Variants in HDAC9 observed in about 807,000 individuals in gnomAD.
HDAC9 encodes the protein histone deacetylase 9, also known as MEF-2 interacting transcription repressor (MITR) protein.
In HDAC9, 41 loss-of-function variants were observed where a neutral mutation model predicts 139.4. The ratio of observed to expected loss-of-function variants is 0.29; its 90% CI spans 0.23 to 0.38. The LOEUF is 0.38. Ranked by LOEUF, HDAC9 falls within the 10% of genes least tolerant of loss-of-function variation. The probability of loss-of-function intolerance (pLI) is 1.00; values close to 1 mark genes in which losing one functional copy is unlikely to be tolerated. For missense variants in HDAC9, 1,147 were observed against 1,297.0 expected, an observed-to-expected ratio of 0.88 and a Z score of 1.78; for synonymous variants, 517 against 476.2, an observed-to-expected ratio of 1.09 and a Z score of -1.12.
At chr7:18,716,338 G>A (rs946039730) in intron 12 of HDAC9, among the ~76,000 whole-genome samples, 2 of 152,038 alleles carry the variant, frequency 1.3e-5, no homozygotes, top group Admixed American at 6.5e-5. Flanking sequence ...AGCAAATGAA[G>A]GAAGAAAAAT....
At position 18,139,696 on chromosome 7, in the gene HDAC9, G is replaced by T. The variant is rs78069347; in HGVS notation, c.-96-22533G>T. Among the ~76,000 whole-genome samples, 661 of 152,184 alleles carry T rather than the reference G, an allele frequency of 4.3e-3. 4 individuals are homozygous for T. The highest frequency in any genetic ancestry group is 0.015 in the African/African-American group (625 of 41,520). On this transcript the variant is annotated intron_variant, in intron 1 of 12. Coordinates refer to the HDAC9 transcript ENST00000417496. ...GGCCAAAAAGGATTTTGCAAATATG[G>T]TTAAGGCAGGGAGATTACTCTGATT...
At chr7:18,478,131 G>T (rs1460877272) in intron 1 of HDAC9, among the ~76,000 whole-genome samples, 4 of 152,096 alleles carry the variant, frequency 2.6e-5, no homozygotes, top group African/African-American at 9.6e-5. Flanking sequence ...GAGTGCAGTG[G>T]CAGGATCTGG....
chr7:18,295,567 A>G (rs1362557859), intron 1 of HDAC9, among the ~76,000 whole-genome samples: 1 of 152,162 alleles, frequency 6.6e-6, no homozygotes, highest in Non-Finnish European at 1.5e-5. Context: ...TTCTATCTTT[A>G]CATAACTGTA....
intron 2 of HDAC9, among the ~76,000 whole-genome samples, chr7:18,557,476 G>T (rs1322871526): frequency 2.7e-5 from 4 of 148,704 alleles, no homozygotes; most frequent in African/African-American, 7.4e-5. Context: ...TATGTTATCT[G>T]TTTCATCTAT....
intron 1 of HDAC9, among the ~76,000 whole-genome samples, chr7:18,439,199 A>G (rs1201959780): frequency 6.6e-6 from 1 of 152,150 alleles, no homozygotes; most frequent in Non-Finnish European, 1.5e-5. Flanking sequence ...CACATGTAGG[A>G]GTTTTCAGTC....
At chr7:18,922,209 C>T (rs1803817209) in intron 22 of HDAC9, among the ~76,000 whole-genome samples, 1 of 151,702 alleles carries the variant, frequency 6.6e-6, no homozygotes, top group South Asian at 2.1e-4. Flanking sequence ...GCACATGTAC[C>T]CTACAACTTA....
chr7:18,455,281 A>T (rs973487306), intron 1 of HDAC9, among the ~76,000 whole-genome samples: 2 of 149,314 alleles, frequency 1.3e-5, no homozygotes, highest in East Asian at 3.9e-4. Context: ...AATAGCTTTT[A>T]AAAAAAAAGT....
chr7:18,426,026 A>G (rs531965621), intron 1 of HDAC9, among the ~76,000 whole-genome samples: 1 of 152,362 alleles, frequency 6.6e-6, no homozygotes, highest in East Asian at 1.9e-4. Context: ...TAGACTCTTC[A>G]TAACATTAGC....
At chr7:18,751,903 T>G (rs1788481175) in intron 14 of HDAC9, among the ~76,000 whole-genome samples, 1 of 152,036 alleles carries the variant, frequency 6.6e-6, no homozygotes, top group South Asian at 2.1e-4. Flanking sequence ...CAAACCAGGT[T>G]AGCCCCCTCA....
intron 11 of HDAC9, among the ~76,000 whole-genome samples, chr7:18,658,778 T>C (rs1474780785): frequency 6.6e-6 from 1 of 151,954 alleles, no homozygotes; most frequent in Admixed American, 6.6e-5. Flanking sequence ...CCATACCTAA[T>C]CTATTTGTGA....
chr7:18,499,272 G>T (rs1215367646), intron 2 of HDAC9, among the ~76,000 whole-genome samples: 1 of 151,840 alleles, frequency 6.6e-6, no homozygotes, highest in Non-Finnish European at 1.5e-5. Context: ...TAGTTATATT[G>T]GATATTATGC....
chr7:18,984,857 C>G (rs531572857), intron 25 of HDAC9, among the ~76,000 whole-genome samples: 85 of 152,066 alleles, frequency 5.6e-4, no homozygotes, highest in African/African-American at 2.0e-3. Context: ...ATGTCAATTC[C>G]CCACAAAAAC....
intron 25 of HDAC9, among the ~76,000 whole-genome samples, chr7:18,987,871 T>C (rs1202353242): frequency 6.6e-6 from 1 of 152,222 alleles, no homozygotes; most frequent in Non-Finnish European, 1.5e-5. Flanking sequence ...GTTTGTAGTA[T>C]TCTCTGATGG....
At chr7:18,482,003 C>A (rs923243267) in intron 1 of HDAC9, among the ~76,000 whole-genome samples, 1 of 152,144 alleles carries the variant, frequency 6.6e-6, no homozygotes, top group Non-Finnish European at 1.5e-5. Context: ...TCACTACCAG[C>A]ATTTTCAAAG....
chr7:18,672,232 T>C (rs1795715022), intron 12 of HDAC9, among the ~76,000 whole-genome samples: 1 of 152,066 alleles, frequency 6.6e-6, no homozygotes, highest in African/African-American at 2.4e-5. Flanking sequence ...CCTGCCTTAT[T>C]GATGGTAGCC....
chr7:18,190,126 T>G (rs1790236747), intron 2 of HDAC9, among the ~76,000 whole-genome samples: 1 of 152,140 alleles, frequency 6.6e-6, no homozygotes, highest in African/African-American at 2.4e-5. Context: ...GTATTTTTAG[T>G]AGAGATGGGG....
chr7:18,914,903 A>G (rs1257155626), intron 22 of HDAC9, among the ~76,000 whole-genome samples: 1 of 152,114 alleles, frequency 6.6e-6, no homozygotes, highest in Non-Finnish European at 1.5e-5. Flanking sequence ...GGAATACTTT[A>G]CATAATACAA....
intron 24 of HDAC9, among the ~76,000 whole-genome samples, chr7:18,956,693 A>G (rs1783173249): frequency 6.6e-6 from 1 of 152,162 alleles, no homozygotes; most frequent in Admixed American, 6.5e-5. Flanking sequence ...CTTTGCCACC[A>G]GATACCGTGC....
intron 2 of HDAC9, among the ~76,000 whole-genome samples, chr7:18,167,314 A>G (rs762008177): frequency 5.9e-5 from 9 of 152,006 alleles, no homozygotes; most frequent in Non-Finnish European, 1.3e-4. Flanking sequence ...GAAGCATTTT[A>G]TTCATTCTCT....
Sources: allele counts gnomAD v4.1 joint callset (sites outside exome capture counted in the v4.1 genomes callset), GRCh38; gene constraint gnomAD v4.1.1; transcripts MANE v1.5; gene names NCBI Gene and HGNC (gene_info 2026-07-23, HGNC 2026-07-21).